The following ACYP2 variants were observed in gnomAD, a reference collection of about 807,000 sequenced individuals.
ACYP2 encodes the protein acylphosphatase 2, also known as acylphosphatase-2.
ACYP2 carries 12 observed loss-of-function variants against 11.2 expected under a neutral mutation model. The observed-to-expected ratio is 1.08, with a 90% CI of 0.69 to 1.74. The LOEUF (loss-of-function observed/expected upper bound fraction) is 1.74. ACYP2 is among the 40% of genes most tolerant of loss of function. ACYP2 has a pLI of 0.00. For synonymous variants in ACYP2, 43 were observed against 32.2 expected (o/e 1.33, Z -1.13); for missense variants, 134 against 101.9 (o/e 1.31, Z -1.35).
At chr2:54,225,337 G>C (rs1225290628) in intron 6 of ACYP2, among the ~76,000 whole-genome samples, 1 of 152,118 alleles carries the variant, frequency 6.6e-6, no homozygotes, top group Non-Finnish European at 1.5e-5. Flanking sequence ...TCATTAAATG[G>C]AGTGATTTAA....
chr2:54,164,389 G>A (rs1682862610), intron 6 of ACYP2, among the ~76,000 whole-genome samples: 1 of 152,136 alleles, frequency 6.6e-6, no homozygotes, highest in African/African-American at 2.4e-5. Context: ...TTCAGCTGGG[G>A]GCAGGGTGAC....
At chr2:54,123,637 C>A (rs1030460753) in intron 4 of ACYP2, among the ~76,000 whole-genome samples, 2 of 152,118 alleles carry the variant, frequency 1.3e-5, no homozygotes, top group Admixed American at 1.3e-4. Context: ...CCCACTTCTT[C>A]CTCCATCCCC....
At chr2:54,021,761 G>A (rs1170127886) in intron 2 of ACYP2, among the ~76,000 whole-genome samples, 1 of 152,016 alleles carries the variant, frequency 6.6e-6, no homozygotes, top group Non-Finnish European at 1.5e-5. Context: ...AGCATTTTTT[G>A]GAGTCATGGA....
intron 4 of ACYP2, among the ~76,000 whole-genome samples, chr2:54,074,578 TTGTG>T (rs59845178): frequency 0.046 from 6,763 of 145,966 alleles, 160 homozygotes; most frequent in African/African-American, 0.08. Flanking sequence ...AGAACAGAAT[TTGTG>T]TGTGTGTGTG....
intron 2 of ACYP2, among the ~76,000 whole-genome samples, chr2:53,977,798 T>G (rs551605377): frequency 1.2e-4 from 18 of 152,140 alleles, no homozygotes; most frequent in African/African-American, 4.3e-4. Context: ...TGCCTCAAAT[T>G]TGATTCAGTC....
At chr2:54,049,623 CA>C (rs1675724807) in intron 2 of ACYP2, among the ~76,000 whole-genome samples, 1 of 152,136 alleles carries the variant, frequency 6.6e-6, no homozygotes, top group Admixed American at 6.5e-5. Context: ...AGGCCTTTGA[CA>C]AAAAACAGCA....
At chr2:54,237,330 T>TA (rs1440805134) in intron 6 of ACYP2, among the ~76,000 whole-genome samples, 1 of 123,994 alleles carries the variant, frequency 8.1e-6, no homozygotes, top group Non-Finnish European at 1.7e-5. Context: ...ACTATTGCTA[T>TA]ATTTGGTTAA....
chr2:53,989,584 G>C (rs965968331), intron 2 of ACYP2, among the ~76,000 whole-genome samples: 1 of 152,122 alleles, frequency 6.6e-6, no homozygotes, highest in Non-Finnish European at 1.5e-5. Flanking sequence ...TCTAGGTCTT[G>C]GTGGGAAGTA....
intron 2 of ACYP2, among the ~76,000 whole-genome samples, chr2:54,004,238 C>T (rs989811757): frequency 3.3e-5 from 5 of 151,894 alleles, no homozygotes; most frequent in South Asian, 2.1e-4. Context: ...CCGCCCACCT[C>T]GGCCTCCCAA....
intron 3 of ACYP2, chr2:54,051,095 G>A: frequency 3.3e-6 from 2 of 606,814 alleles, no homozygotes; most frequent in Non-Finnish European, 5.8e-6. Flanking sequence ...AAAGAGCTGT[G>A]CAATGGCTCT....
intron 6 of ACYP2, among the ~76,000 whole-genome samples, chr2:54,301,697 A>T (rs1473419940): frequency 1.3e-5 from 2 of 152,102 alleles, no homozygotes; most frequent in African/African-American, 4.8e-5. Flanking sequence ...GTACATACAT[A>T]TATTTCACAC....
At chr2:54,242,384 C>G (rs1199448990) in intron 6 of ACYP2, among the ~76,000 whole-genome samples, 2 of 152,156 alleles carry the variant, frequency 1.3e-5, no homozygotes, top group Non-Finnish European at 2.9e-5. Flanking sequence ...GCCCATTTCA[C>G]CTTGTCATTG....
intron 6 of ACYP2, chr2:54,253,843 C>T (rs1198682542): frequency 6.6e-6 from 1 of 152,246 alleles, no homozygotes; most frequent in Non-Finnish European, 1.5e-5. Context: ...AATAAGAGGT[C>T]TGGCAGTCTA....
At position 54,248,576 on chromosome 2, in the gene ACYP2, A is replaced by G. The variant is rs139258458; in HGVS notation, c.405-56112A>G. On this transcript the variant is annotated intron_variant, in intron 6 of 6. Transcript: ENST00000607452. ...CCTTCCCTAAACTTCAGGTAGGGAA[A>G]ATTTCCCTCTTATGTCATAGCCCCC... Among the ~76,000 whole-genome samples the G allele has an allele frequency of 4.6e-4, 70 of 152,170 alleles. 2 individuals carry two copies. In the East Asian group the frequency reaches 0.012, roughly 26 times the overall value.
At chr2:54,180,847 G>A (rs992083670) in intron 6 of ACYP2, among the ~76,000 whole-genome samples, 18 of 152,082 alleles carry the variant, frequency 1.2e-4, no homozygotes, top group African/African-American at 3.6e-4. Context: ...GAACCACTGC[G>A]CCCAGCCCAA....
At chr2:54,170,528 A>C (rs1455565961) in intron 6 of ACYP2, among the ~76,000 whole-genome samples, 1 of 149,614 alleles carries the variant, frequency 6.7e-6, no homozygotes, top group Non-Finnish European at 1.5e-5. Flanking sequence ...GAAAAACTTT[A>C]CCTCCAAATC....
intron 2 of ACYP2, among the ~76,000 whole-genome samples, chr2:53,990,836 G>A (rs976972504): frequency 3.3e-5 from 5 of 150,922 alleles, no homozygotes; most frequent in Admixed American, 6.6e-5. Flanking sequence ...TCGCTCTGTC[G>A]CCCAGGCTGG....
intron 6 of ACYP2, among the ~76,000 whole-genome samples, chr2:54,192,711 T>C (rs1196711988): frequency 6.6e-6 from 1 of 152,106 alleles, no homozygotes; most frequent in Non-Finnish European, 1.5e-5. Flanking sequence ...CTGCCCGAGA[T>C]TGGGTAATTT....
At chr2:54,155,970 G>A (rs1044213538) in intron 6 of ACYP2, among the ~76,000 whole-genome samples, 2 of 152,000 alleles carry the variant, frequency 1.3e-5, no homozygotes, top group Non-Finnish European at 2.9e-5. Context: ...GACTAGTTTT[G>A]TGGCCTAACA....
Sources: gnomAD v4.1 joint callset for allele counts (sites outside exome capture counted in the v4.1 genomes callset) on GRCh38, gnomAD v4.1.1 for gene constraint, MANE v1.5 for transcripts, NCBI Gene and HGNC (gene_info 2026-07-23, HGNC 2026-07-21) for gene names.